The following IDE variants were observed in gnomAD, a reference collection of about 807,000 sequenced individuals.
IDE encodes insulin degrading enzyme, also known as insulin-degrading enzyme.
IDE carries 58 observed loss-of-function variants against 133.2 expected under a neutral mutation model. The ratio of observed to expected loss-of-function variants is 0.44; its 90% CI spans 0.35 to 0.54. The LOEUF (loss-of-function observed/expected upper bound fraction) is 0.54. Ranked by LOEUF, IDE falls within the 20% of genes least tolerant of loss-of-function variation. The pLI, the probability that IDE is intolerant of heterozygous loss-of-function variation, is 0.00. For missense variants in IDE, 981 were observed against 1,234.0 expected (o/e 0.79, Z 3.07); for synonymous variants, 396 against 421.3 (o/e 0.94, Z 0.73).
At chr10:92,469,989 A>T (rs7920976) in intron 18 of IDE, among the ~76,000 whole-genome samples, 7,968 of 152,198 alleles carry the variant, frequency 0.052, 739 homozygotes, top group African/African-American at 0.18. Flanking sequence ...CCCTATACAG[A>T]GTAGGGATAA....
At chr10:92,469,055 C>T (rs1250407274) in intron 18 of IDE, 65 bp from the exon 19 acceptor site, 31 of 916,112 alleles carry the variant, frequency 3.4e-5, no homozygotes, top group Non-Finnish European at 5.5e-5. Context: ...GTGAAATAAA[C>T]TGGCTTTGTT....
rs139123010 is a variant in IDE, at chr10:92,454,693, G to A, written c.2965-154C>T. Reference sequence around the variant, plus strand: ...GAGGCCGCTCTACCTAATAACCCATGTATCTTGATCTGCTGACCTTTCTTC... The same window carrying A: ...GAGGCCGCTCTACCTAATAACCCATATATCTTGATCTGCTGACCTTTCTTC... On this transcript the variant is annotated intron_variant, in intron 24 of 24. Coordinates refer to ENST00000265986, the MANE Select transcript of IDE (RefSeq NM_004969.4). Among the ~76,000 whole-genome samples, 990 of 152,310 alleles carry A rather than the reference G, an allele frequency of 6.5e-3. 11 individuals are homozygous for A. Among genetic ancestry groups the A allele is most frequent in the South Asian group, 0.017 (84 of 4,822 alleles).
At chr10:92,568,399 G>C (rs1843648128) in intron 1 of IDE, among the ~76,000 whole-genome samples, 1 of 152,074 alleles carries the variant, frequency 6.6e-6, no homozygotes, top group African/African-American at 2.4e-5. Flanking sequence ...ACTCAGAAAA[G>C]TTTGCAATAA....
intron 4 of IDE, among the ~76,000 whole-genome samples, chr10:92,518,885 ATC>A (rs1356467922): frequency 1.3e-5 from 2 of 152,204 alleles, no homozygotes; most frequent in Non-Finnish European, 2.9e-5. Context: ...GATAGTGGTT[ATC>A]TCTCAGGAGC....
At chr10:92,515,827 T>C (rs1262095692) in intron 4 of IDE, among the ~76,000 whole-genome samples, 1 of 147,166 alleles carries the variant, frequency 6.8e-6, no homozygotes, top group Admixed American at 6.9e-5. Flanking sequence ...CCCAAAATGC[T>C]GGGATTACAG....
chr10:92,472,417 T>C (rs897739453), intron 17 of IDE, among the ~76,000 whole-genome samples: 2 of 152,184 alleles, frequency 1.3e-5, no homozygotes, highest in South Asian at 2.1e-4. Flanking sequence ...CATATGACCA[T>C]AATCATTTTG....
intron 16 of IDE, among the ~76,000 whole-genome samples, 185 bp from the exon 17 acceptor site, chr10:92,475,146 A>G (rs1357518609): frequency 1.3e-5 from 2 of 152,186 alleles, no homozygotes; most frequent in African/African-American, 4.8e-5. Context: ...ATAAAAGTGC[A>G]TGCTTTTTCT....
In IDE at chr10:92,510,706, A is replaced by G. The variant is rs541306465; in HGVS notation, c.785-544T>C. ...TATATATCACATACATCTCACATAT[A>G]TGATATATATCACATACATCTCACA... On this transcript the variant is annotated intron_variant, in intron 5 of 24. Coordinates refer to ENST00000265986, the MANE Select transcript of IDE (RefSeq NM_004969.4). 7.5e-4 allele frequency among the ~76,000 whole-genome samples: 113 copies of G among 151,640 alleles called. 1 individual carries two copies. The highest frequency in any genetic ancestry group is 3.5e-3 in the Middle Eastern group (1 of 288).
At chr10:92,462,152 C>A (rs1845427261) in intron 21 of IDE, among the ~76,000 whole-genome samples, 1 of 151,816 alleles carries the variant, frequency 6.6e-6, no homozygotes, top group African/African-American at 2.4e-5. Flanking sequence ...CCCATCTCTA[C>A]TAAAAATATA....
At chr10:92,482,414 CT>C (rs1846668525) in intron 14 of IDE, among the ~76,000 whole-genome samples, 1 of 152,162 alleles carries the variant, frequency 6.6e-6, no homozygotes, top group African/African-American at 2.4e-5. Context: ...ATAAATTTTA[CT>C]AAACATCTTC....
At chr10:92,502,225 G>A (rs905907077) in intron 11 of IDE, among the ~76,000 whole-genome samples, 4 of 152,134 alleles carry the variant, frequency 2.6e-5, no homozygotes, top group African/African-American at 4.8e-5. Context: ...TCAGATTGGA[G>A]AGAACTAACA....
rs1225258179 is a variant in IDE at position 92,524,491 on chromosome 10, AT to A, written c.661+7256del. ...TATAATATATAATATATATTATATTATAATATATTTTATATAATATATAATA... is the reference window on the plus strand; with the variant it reads ...TATAATATATAATATATATTATATTAAATATATTTTATATAATATATAATA... On this transcript the variant is annotated intron_variant, in intron 4 of 24. Transcript: ENST00000265986. Among the ~76,000 whole-genome samples the A allele has an allele frequency of 1.7e-4, 14 of 84,460 alleles. 2 individuals carry two copies. The highest frequency in any genetic ancestry group is 4.0e-4 in the African/African-American group (8 of 20,250). 55.4% of individuals were successfully genotyped at this position (84,460 alleles called of 152,430 possible).
At chr10:92,485,655 A>G (rs527305661) in intron 13 of IDE, among the ~76,000 whole-genome samples, 6 of 152,328 alleles carry the variant, frequency 3.9e-5, no homozygotes, top group African/African-American at 1.4e-4. Flanking sequence ...TAAAACAAAC[A>G]GCAAAAGTCG....
intron 22 of IDE, among the ~76,000 whole-genome samples, chr10:92,458,118 A>G (rs892210296): frequency 6.6e-6 from 1 of 152,308 alleles, no homozygotes; most frequent in Non-Finnish European, 1.5e-5. Context: ...CCAACTCTGG[A>G]CAATCCTCAT....
chr10:92,534,505 T>C, intron 3 of IDE, 73 bp downstream of exon 3: 2 of 886,350 alleles, frequency 2.3e-6, no homozygotes, highest in Non-Finnish European at 3.5e-6. Context: ...GCCATCTCTG[T>C]GGAAATAATA....
chr10:92,572,308 G>A (rs1843823805), intron 1 of IDE, among the ~76,000 whole-genome samples: 1 of 152,154 alleles, frequency 6.6e-6, no homozygotes, highest in African/African-American at 2.4e-5. Flanking sequence ...GACAAAAGGA[G>A]GCATCCTGCC....
At chr10:92,524,516 T>TATATAAA (rs1849507938) in intron 4 of IDE, among the ~76,000 whole-genome samples, 1 of 47,064 alleles carries the variant, frequency 2.1e-5, no homozygotes, top group African/African-American at 7.4e-5. Context: ...TAATATATAA[T>TATATAAA]ATATATTATA....
intron 1 of IDE, among the ~76,000 whole-genome samples, chr10:92,562,699 A>AGCC (rs1399359179): frequency 6.6e-6 from 1 of 152,242 alleles, no homozygotes; most frequent in Non-Finnish European, 1.5e-5. Context: ...AGCAGAGCAT[A>AGCC]CAGAAACCAC....
chr10:92,540,505 A>C (rs1276722905), intron 1 of IDE, among the ~76,000 whole-genome samples: 15 of 152,224 alleles, frequency 9.9e-5, no homozygotes, highest in Non-Finnish European at 1.5e-5. Context: ...CTCCGTGTGT[A>C]CCAAAGAGAA....
Sources: allele counts gnomAD v4.1 joint callset (sites outside exome capture counted in the v4.1 genomes callset), GRCh38; gene constraint gnomAD v4.1.1; transcripts MANE v1.5; gene names NCBI Gene and HGNC (gene_info 2026-07-23, HGNC 2026-07-21).